The following LIX1L variants were observed in gnomAD, a reference collection of about 807,000 sequenced individuals.
The protein encoded by LIX1L is LIX1-like protein.
LIX1L carries 20 observed loss-of-function variants against 34.0 expected under a neutral mutation model. The ratio of observed to expected loss-of-function variants is 0.59; its 90% CI spans 0.41 to 0.85. The LOEUF is 0.85. LIX1L is among the 40% of genes least tolerant of loss of function. The probability of loss-of-function intolerance (pLI) is 0.00; values close to 1 mark genes in which losing one functional copy is unlikely to be tolerated. For synonymous variants in LIX1L, 170 were observed against 187.4 expected (o/e 0.91, Z 0.76); for missense variants, 397 against 447.0 (o/e 0.89, Z 1.01).
At chr1:145,956,234 G>A (rs782357456) in intron 1 of LIX1L, among the ~76,000 whole-genome samples, 1 of 152,118 alleles carries the variant, frequency 6.6e-6, no homozygotes, top group Non-Finnish European at 1.5e-5. Context: ...ATTGTATGAA[G>A]AACAAAGGGA....
chr1:145,955,093 A>G (rs1244223529), intron 1 of LIX1L, among the ~76,000 whole-genome samples: 1 of 152,348 alleles, frequency 6.6e-6, no homozygotes, highest in South Asian at 2.1e-4. Context: ...GGTGATCAAT[A>G]AATATTTGGT....
chr1:145,946,725 G>A (rs750827736), intron 2 of LIX1L, among the ~76,000 whole-genome samples: 4 of 152,204 alleles, frequency 2.6e-5, no homozygotes, highest in Non-Finnish European at 4.4e-5. Context: ...CACTAGGAGA[G>A]ACAAACAATT....
At chr1:145,939,511 T>C (rs2101895140) in intron 3 of LIX1L, among the ~76,000 whole-genome samples, 1 of 152,142 alleles carries the variant, frequency 6.6e-6, no homozygotes, top group East Asian at 1.9e-4. Flanking sequence ...TTTAACACAT[T>C]GGCCAGTCTG....
chr1:145,950,806 G>A (rs1451999595), intron 1 of LIX1L, among the ~76,000 whole-genome samples: 1 of 152,234 alleles, frequency 6.6e-6, no homozygotes, highest in African/African-American at 2.4e-5. Context: ...CAGGAAGCGT[G>A]GTTCCTTCAA....
chr1:145,937,327 C>A (rs1648697940), intron 4 of LIX1L: 1 of 271,640 alleles, frequency 3.7e-6, no homozygotes, highest in Non-Finnish European at 7.0e-6. Flanking sequence ...AGGCATGTGC[C>A]ATCATAGCTA....
At chr1:145,941,159 C>T (rs2101897090) in intron 3 of LIX1L, 1 of 151,988 alleles carries the variant, frequency 6.6e-6, no homozygotes, top group South Asian at 2.1e-4. Context: ...CAGCTGGGTC[C>T]TAAATAACAG....
Position 145,957,880 on chromosome 1 carries a change from G to C in LIX1L, c.48C>G (p.Ser16Arg). The C allele has an allele frequency of 6.8e-7, 1 of 1,478,668 alleles. No individual in the cohort carries two copies. 91.6% of individuals were successfully genotyped at this position (1,478,668 alleles called of 1,614,324 possible). The change falls in exon 1 of 6, where the codon AGC (serine) becomes AGG (arginine). Residue 16 changes from serine to arginine, a missense_variant. This residue lies in a region of LIX1L where 207 missense variants were observed against 205.2 expected (regional missense o/e 1.01). Coordinates refer to ENST00000604000, the MANE Select transcript of LIX1L (RefSeq NM_153713.3). Reference sequence around the variant, plus strand: ...GCAGCGCTCGGAGAGTGCCCCTCCCGCTGGTGCCCACACCAGGCTGCAGCC... The same window carrying C: ...GCAGCGCTCGGAGAGTGCCCCTCCCCCTGGTGCCCACACCAGGCTGCAGCC... The part of the protein sequence containing the change: ...AQRLQPGVGT[S>R]GRGTLRALRP...
Position 145,936,237 on chromosome 1 carries a change from AATC to A in LIX1L, c.*70_*72del. The A allele has an allele frequency of 6.6e-7, 1 of 1,517,094 alleles. No individual in the cohort carries two copies. The highest frequency in any genetic ancestry group is 8.9e-7 in the Non-Finnish European group (1 of 1,124,298). 94.0% of individuals were successfully genotyped at this position (1,517,094 alleles called of 1,614,324 possible). A position where few individuals can be genotyped will look rare whatever the true frequency, so the allele number is the denominator to read the frequency against. ...TAAAAATGAGAAAGTATGTACAAAA[AATC>A]ATCCTAAATCTTAGAAAGGAGACAT... On this transcript the variant is annotated 3_prime_UTR_variant, in exon 6 of 6. Coordinates refer to ENST00000604000, the MANE Select transcript of LIX1L (RefSeq NM_153713.3).
At position 145,946,887 on chromosome 1, in the gene LIX1L, TTTAAG is replaced by T. The variant is rs587743213; in HGVS notation, c.456+727_456+731del. Among the ~76,000 whole-genome samples the T allele has an allele frequency of 5.0e-3, 762 of 152,292 alleles. 11 individuals carry two copies. Among genetic ancestry groups the T allele is most frequent in the South Asian group, 0.034 (164 of 4,832 alleles). On this transcript the variant is annotated intron_variant, in intron 2 of 5. Transcript: ENST00000604000. ...TTTTCTCTAAATTCCATTTGAGACTTTTAAGTTGACATTTCAGAAGGCTGCCTCCC... is the reference window on the plus strand; with the variant it reads ...TTTTCTCTAAATTCCATTTGAGACTTTTGACATTTCAGAAGGCTGCCTCCC...
In LIX1L at chr1:145,949,496, G is replaced by C. The variant is rs1649217491; in HGVS notation, c.293-1714C>G. Among the ~76,000 whole-genome samples, 3 of 152,014 alleles carry C rather than the reference G, an allele frequency of 2.0e-5. No homozygotes were observed. The South Asian group carries it at 6.2e-4, about 32-fold the overall frequency. On this transcript the variant is annotated intron_variant, in intron 1 of 5. Coordinates refer to ENST00000604000, the MANE Select transcript of LIX1L (RefSeq NM_153713.3). ...ATATGGCTATGAAAGAGTGAGGGAG[G>C]GGAAGTGTAATGCAAGATGAGGTTG...
rs782400335 is a variant in LIX1L, at chr1:145,942,836, A to G, written c.474T>C (p.Ala158=). ...TCTTTGCAGCACTCCTCCGGGCCTC[A>G]GCTTTTGTGGGGCAAAACTAGGCAG... is the stretch of plus-strand genomic sequence containing the variant. ...FGSFQFCPTK[A]EARRSAAKIA... is the part of the protein sequence containing the mutation. The change falls in exon 3 of 6, where the codon GCT becomes GCC. Residue 158 remains alanine, a synonymous_variant. Transcript: ENST00000604000. The G allele has an allele frequency of 4.2e-5, 67 of 1,614,080 alleles. No individual in the cohort carries two copies. Among genetic ancestry groups the G allele is most frequent in the Non-Finnish European group, 5.6e-5 (66 of 1,180,024 alleles).
At chr1:145,946,310 T>C (rs1224197298) in intron 2 of LIX1L, among the ~76,000 whole-genome samples, 1 of 151,344 alleles carries the variant, frequency 6.6e-6, no homozygotes, top group Non-Finnish European at 1.5e-5. Context: ...GCAATTCTCC[T>C]GCCTCAGCCT....
At chr1:145,951,374 T>C (rs1355028458) in intron 1 of LIX1L, among the ~76,000 whole-genome samples, 3 of 152,276 alleles carry the variant, frequency 2.0e-5, no homozygotes, top group East Asian at 3.9e-4. Flanking sequence ...CAGTGGCCAA[T>C]AATAAATTAT....
At position 145,936,017 on chromosome 1, in the gene LIX1L, T is replaced by C. The variant is rs1300211810; in HGVS notation, c.*293A>G. 2 of 366,596 alleles carry C rather than the reference T, an allele frequency of 5.5e-6. No homozygotes were observed. The highest frequency in any genetic ancestry group is 2.1e-5 in the African/African-American group (1 of 47,256). 22.7% of individuals were successfully genotyped at this position (366,596 alleles called of 1,614,324 possible). On this transcript the variant is annotated 3_prime_UTR_variant, in exon 6 of 6. Transcript: ENST00000604000. ...AACACTAGAGTTAATCTTTTAGTGC[T>C]ACTGAAATGGCTACACAGTTAATCT...
In LIX1L at chr1:145,957,886, GC is replaced by G; in HGVS notation, c.41del (p.Gly14AlafsTer15). ...CTCGGAGAGTGCCCCTCCCGCTGGT[GC>G]CCACACCAGGCTGCAGCCGCTGCGC... The part of the protein sequence containing the change: ...MRAQRLQPGV[G>X]TSGRGTLRAL... On this transcript the variant is annotated frameshift_variant, in exon 1 of 6. Transcript: ENST00000604000. LOFTEE classifies it high-confidence loss of function. The G allele has an allele frequency of 6.7e-7, 1 of 1,484,826 alleles. No individual in the cohort carries two copies. The highest frequency in any genetic ancestry group is 8.9e-7 in the Non-Finnish European group (1 of 1,121,164). 92.0% of individuals were successfully genotyped at this position (1,484,826 alleles called of 1,614,324 possible).
intron 3 of LIX1L, among the ~76,000 whole-genome samples, chr1:145,938,946 C>A (rs913224134): frequency 2.6e-5 from 4 of 151,456 alleles, no homozygotes; most frequent in Non-Finnish European, 5.9e-5. Flanking sequence ...AGCATTTATT[C>A]AGGAGGATGT....
At chr1:145,943,009 T>C (rs1277205795) in intron 2 of LIX1L, among the ~76,000 whole-genome samples, 156 bp from the exon 3 acceptor site, 1 of 152,176 alleles carries the variant, frequency 6.6e-6, no homozygotes, top group Admixed American at 6.5e-5. Context: ...TATGGTAAAG[T>C]GGTTGGGATG....
Position 145,957,805 on chromosome 1 carries a change from G to GC in LIX1L, c.122dup (p.Pro44AlafsTer74). On this transcript the variant is annotated frameshift_variant, in exon 1 of 6. Transcript: ENST00000604000. LOFTEE classifies it high-confidence loss of function. ...CGGGAGGCGGCGGGGCAGGCGGGGG[G>GC]CCCGCAGGGGGTGTGGCGGTGGCGG... The GC allele has an allele frequency of 6.6e-6, 9 of 1,354,216 alleles. No homozygotes were observed. Among genetic ancestry groups the GC allele is most frequent in the Non-Finnish European group, 8.5e-6 (9 of 1,057,950 alleles). The allele number at this position is 1,354,216 out of a possible 1,614,324, so 83.9% of individuals were successfully genotyped here.
chr1:145,953,513 T>C (rs1174604947), intron 1 of LIX1L, among the ~76,000 whole-genome samples: 2 of 152,168 alleles, frequency 1.3e-5, no homozygotes, highest in African/African-American at 4.8e-5. Flanking sequence ...AAGGTACATC[T>C]GCCCCTAAAT....
Sources: gnomAD v4.1 joint callset for allele counts (sites outside exome capture counted in the v4.1 genomes callset) on GRCh38, gnomAD v4.1.1 for gene constraint, gnomAD v4.1.1 regional missense constraint, MANE v1.5 for transcripts, NCBI Gene and HGNC (gene_info 2026-07-23, HGNC 2026-07-21) for gene names.